Variants in LRRC20 observed in about 807,000 individuals in gnomAD.
The protein encoded by LRRC20 is leucine rich repeat containing 20, also known as leucine-rich repeat-containing protein 20.
LRRC20 carries 11 observed loss-of-function variants against 14.4 expected under a neutral mutation model. The ratio of observed to expected loss-of-function variants is 0.77; its 90% CI spans 0.48 to 1.27. The LOEUF (loss-of-function observed/expected upper bound fraction) is 1.27. Among genes scored for constraint, LRRC20 ranks in the 50% most tolerant of loss-of-function variants. LRRC20 has a pLI of 0.00. For synonymous variants in LRRC20, 121 were observed against 107.3 expected, an observed-to-expected ratio of 1.13 and a Z score of -0.79; for missense variants, 219 against 251.2, an observed-to-expected ratio of 0.87 and a Z score of 0.87.
intron 4 of LRRC20, among the ~76,000 whole-genome samples, chr10:70,304,470 T>TTTTATATATATATATATATATATATATA (rs1841329290): frequency 2.6e-5 from 3 of 113,824 alleles, no homozygotes; most frequent in South Asian, 5.6e-4. Flanking sequence ...GGCCACTTCT[T>TTTTATATATATATATATATATATATATA]TATATATATA....
chr10:70,364,915 C>T (rs1564643032), intron 2 of LRRC20, among the ~76,000 whole-genome samples: 1 of 152,172 alleles, frequency 6.6e-6, no homozygotes, highest in Non-Finnish European at 1.5e-5. Flanking sequence ...ATGCCCCTGC[C>T]CCACCCCGCA....
intron 4 of LRRC20, among the ~76,000 whole-genome samples, chr10:70,316,597 G>GT (rs1841869005): frequency 6.6e-6 from 1 of 152,264 alleles, no homozygotes; most frequent in African/African-American, 2.4e-5. Context: ...GACCAAGTGT[G>GT]TGGCTTGCTA....
chr10:70,354,334 T>A (rs1374404379), intron 2 of LRRC20, among the ~76,000 whole-genome samples: 2 of 152,118 alleles, frequency 1.3e-5, no homozygotes, highest in East Asian at 3.9e-4. Context: ...AACGTGCAGA[T>A]TCTGATGCCA....
chr10:70,329,989 T>G lies in LRRC20; in HGVS notation c.233-5959A>C, dbSNP rs369500712. On this transcript the variant is annotated intron_variant, in intron 3 of 4. Coordinates refer to ENST00000446961, the MANE Select transcript of LRRC20 (RefSeq NM_001278212.2). ...TATTCTTCTTATACATTGCCGAATTTGACTGGTAATATTTTGCTGAGAATC... is the reference window on the plus strand; with the variant it reads ...TATTCTTCTTATACATTGCCGAATTGGACTGGTAATATTTTGCTGAGAATC... Among the ~76,000 whole-genome samples the G allele has an allele frequency of 2.9e-4, 44 of 152,368 alleles. No individual in the cohort carries two copies. The South Asian group carries it at 6.2e-3, about 21-fold the overall frequency.
At chr10:70,367,570 G>T (rs1213677944) in intron 2 of LRRC20, among the ~76,000 whole-genome samples, 1 of 152,046 alleles carries the variant, frequency 6.6e-6, no homozygotes, top group Non-Finnish European at 1.5e-5. Context: ...TCGCAAACAC[G>T]TGATGCTAAA....
At chr10:70,354,506 C>T (rs1427670491) in intron 2 of LRRC20, among the ~76,000 whole-genome samples, 1 of 152,194 alleles carries the variant, frequency 6.6e-6, no homozygotes, top group Non-Finnish European at 1.5e-5. Flanking sequence ...CATTCTCAGG[C>T]ACCACCCCAG....
intron 2 of LRRC20, among the ~76,000 whole-genome samples, chr10:70,371,818 G>A (rs115889082): frequency 0.013 from 1,950 of 150,256 alleles, 33 homozygotes; most frequent in African/African-American, 0.045. Context: ...AGGAGCCCAC[G>A]TCTCTGGGGA....
At chr10:70,358,457 G>C (rs1289549175) in intron 2 of LRRC20, among the ~76,000 whole-genome samples, 1 of 152,118 alleles carries the variant, frequency 6.6e-6, no homozygotes, top group African/African-American at 2.4e-5. Flanking sequence ...GCTTGATATA[G>C]CAAGGAATCC....
chr10:70,315,551 C>A (rs572195591), intron 4 of LRRC20, among the ~76,000 whole-genome samples: 1 of 152,250 alleles, frequency 6.6e-6, no homozygotes, highest in South Asian at 2.1e-4. Context: ...GATTCACAAC[C>A]CCGTTATTCC....
In LRRC20 at chr10:70,343,778, T is replaced by G. The variant is rs567535661; in HGVS notation, c.83-3076A>C. On this transcript the variant is annotated intron_variant, in intron 2 of 4. Coordinates refer to ENST00000446961, the MANE Select transcript of LRRC20 (RefSeq NM_001278212.2). ...TGTGAATTACACCAGTCCCTTTGGGTAGGAGTAGGCAGATCTCATCATACA... is the reference window on the plus strand; with the variant it reads ...TGTGAATTACACCAGTCCCTTTGGGGAGGAGTAGGCAGATCTCATCATACA... Among the ~76,000 whole-genome samples, 3 of 152,254 alleles carry G rather than the reference T, an allele frequency of 2.0e-5. No individual in the cohort carries two copies. In the South Asian group the frequency reaches 6.2e-4, roughly 32 times the overall value.
chr10:70,355,186 G>C (rs765661988), intron 2 of LRRC20, among the ~76,000 whole-genome samples: 1 of 152,152 alleles, frequency 6.6e-6, no homozygotes, highest in East Asian at 1.9e-4. Context: ...TCAAGGGATC[G>C]TGCCGTGCAT....
intron 2 of LRRC20, among the ~76,000 whole-genome samples, chr10:70,356,727 T>A (rs548850866): frequency 6.6e-6 from 1 of 151,428 alleles, no homozygotes; most frequent in South Asian, 2.1e-4. Flanking sequence ...GGCAGGTGCC[T>A]GTAGTCACAG....
chr10:70,359,904 A>AT (rs202230706), intron 2 of LRRC20, among the ~76,000 whole-genome samples: 1,580 of 145,274 alleles, frequency 0.011, 34 homozygotes, highest in African/African-American at 0.037. Context: ...GTTCCACTGC[A>AT]TTTTTTTTCT....
Position 70,376,923 on chromosome 10 carries a change from C to T in LRRC20, c.-63-327G>A, listed in dbSNP as rs1844533172. The T allele has an allele frequency of 2.8e-5, 6 of 214,768 alleles. No homozygotes were observed. The South Asian group carries it at 4.7e-4, about 17-fold the overall frequency. The allele number at this position is 214,768 out of a possible 1,614,324, so 13.3% of individuals were successfully genotyped here. ...CAGGGGTGTGCTGGCCTGTGATTCA[C>T]TCTATAGGCAGGGCATTGGGAAGGA... On this transcript the variant is annotated intron_variant, in intron 1 of 4. Coordinates refer to ENST00000446961, the MANE Select transcript of LRRC20 (RefSeq NM_001278212.2).
At chr10:70,362,494 C>T (rs142879606) in intron 2 of LRRC20, among the ~76,000 whole-genome samples, 69 of 152,360 alleles carry the variant, frequency 4.5e-4, no homozygotes, top group African/African-American at 1.6e-3. Flanking sequence ...TAAAGGTCAG[C>T]GCTGGAGTCC....
intron 4 of LRRC20, among the ~76,000 whole-genome samples, chr10:70,303,894 G>A (rs1215507206): frequency 6.6e-6 from 1 of 152,210 alleles, no homozygotes. Flanking sequence ...CTCCTTTGGG[G>A]TGACAGAAGT....
chr10:70,343,928 G>C (rs1842995303), intron 2 of LRRC20, among the ~76,000 whole-genome samples: 1 of 152,190 alleles, frequency 6.6e-6, no homozygotes, highest in African/African-American at 2.4e-5. Flanking sequence ...GCCGGGCATG[G>C]TGTCTCATGT....
intron 4 of LRRC20, among the ~76,000 whole-genome samples, chr10:70,316,736 C>T (rs1445796163): frequency 6.6e-6 from 1 of 152,238 alleles, no homozygotes; most frequent in Non-Finnish European, 1.5e-5. Context: ...CCAACCTCTC[C>T]CTCGGTGCGG....
chr10:70,370,374 A>G (rs140025876), intron 2 of LRRC20, among the ~76,000 whole-genome samples: 1 of 152,266 alleles, frequency 6.6e-6, no homozygotes, highest in Non-Finnish European at 1.5e-5. Context: ...CCAAATTATT[A>G]TATTATATAA....
Sources: gnomAD v4.1 joint callset for allele counts (sites outside exome capture counted in the v4.1 genomes callset) on GRCh38, gnomAD v4.1.1 for gene constraint, MANE v1.5 for transcripts, NCBI Gene and HGNC (gene_info 2026-07-23, HGNC 2026-07-21) for gene names.